The following RFC3 variants were observed in gnomAD, a reference collection of about 807,000 sequenced individuals.
The protein encoded by RFC3 is replication factor C subunit 3.
A neutral mutation model predicts 45.1 loss-of-function variants in RFC3; 41 were observed. That is an observed-to-expected ratio of 0.91 (90% CI 0.71 to 1.18). RFC3 has a LOEUF of 1.18. Among genes scored for constraint, RFC3 ranks in the 50% most tolerant of loss-of-function variants. The pLI is 0.00. For missense variants in RFC3, 423 were observed against 428.1 expected, an observed-to-expected ratio of 0.99 and a Z score of 0.10; for synonymous variants, 149 against 144.0, an observed-to-expected ratio of 1.03 and a Z score of -0.25.
At chr13:33,947,236 G>A (rs1046838158) in intron 8 of RFC3, among the ~76,000 whole-genome samples, 96 of 152,124 alleles carry the variant, frequency 6.3e-4, no homozygotes, top group Admixed American at 4.4e-3. Flanking sequence ...CCCCTATGCT[G>A]TTCTCATGAT....
chr13:33,839,276 C>T (rs1195315445), downstream of RFC3, among the ~76,000 whole-genome samples: 2 of 152,188 alleles, frequency 1.3e-5, no homozygotes, highest in East Asian at 3.8e-4. Context: ...ATGAACTAGG[C>T]CTGCAACTTA....
intron 8 of RFC3, among the ~76,000 whole-genome samples, chr13:33,949,873 A>G (rs992117370): frequency 2.6e-5 from 4 of 152,150 alleles, no homozygotes; most frequent in Admixed American, 2.0e-4. Context: ...ACAGCCTTCA[A>G]ATTGAGACAT....
chr13:33,959,325 ACT>A (rs1282075286), intron 8 of RFC3, among the ~76,000 whole-genome samples: 4 of 151,970 alleles, frequency 2.6e-5, no homozygotes, highest in African/African-American at 7.3e-5. Flanking sequence ...GGCTTCCAAG[ACT>A]CTTTGCAAAT....
intron 8 of RFC3, chr13:33,849,835 C>G (rs2082264787): frequency 6.6e-6 from 1 of 151,974 alleles, no homozygotes; most frequent in Admixed American, 6.6e-5. Context: ...CGAGATTGCA[C>G]CACCACACTC....
At position 33,938,611 on chromosome 13, in the gene RFC3, A is replaced by G. The variant is rs572503981; in HGVS notation, c.880-27476A>G. ...TCTGTTTTTCTCAACATTGTGTCAT[A>G]TATTTGTGATTTCTTCATTCTCATT... On this transcript the variant is annotated intron_variant, in intron 8 of 8. Coordinates refer to the RFC3 transcript ENST00000434425. Among the ~76,000 whole-genome samples, 10 of 152,262 alleles carry G rather than the reference A, an allele frequency of 6.6e-5. No individual in the cohort carries two copies. In the East Asian group the frequency reaches 1.9e-3, roughly 29 times the overall value.
At chr13:33,885,210 G>A (rs1337020850) in intron 8 of RFC3, among the ~76,000 whole-genome samples, 1 of 151,922 alleles carries the variant, frequency 6.6e-6, no homozygotes, top group Non-Finnish European at 1.5e-5. Flanking sequence ...ATTCTATCAT[G>A]GTATCACATT....
intron 8 of RFC3, among the ~76,000 whole-genome samples, chr13:33,889,275 C>T (rs553550121): frequency 4.6e-5 from 7 of 152,260 alleles, no homozygotes; most frequent in South Asian, 2.1e-4. Flanking sequence ...AAATCATAAG[C>T]GTTGAACCAA....
chr13:33,966,009 C>T, intron 8 of RFC3: 2 of 1,056,714 alleles, frequency 1.9e-6, no homozygotes, highest in South Asian at 2.5e-5. Flanking sequence ...ATTACACATC[C>T]TTTGTATCCT....
chr13:33,916,544 A>G (rs950889101), intron 8 of RFC3, among the ~76,000 whole-genome samples: 1 of 152,148 alleles, frequency 6.6e-6, no homozygotes. Flanking sequence ...AAATGTGATG[A>G]TGCAGAATAT....
intron 8 of RFC3, among the ~76,000 whole-genome samples, chr13:33,918,847 G>T (rs2082749700): frequency 1.3e-5 from 2 of 152,044 alleles, no homozygotes; most frequent in African/African-American, 4.8e-5. Context: ...ATTCTCAAAA[G>T]CAAAGCCAAG....
chr13:33,925,499 TATACATACATACATAGTGTACTATATAC>T (rs2082803458), intron 8 of RFC3, among the ~76,000 whole-genome samples: 13 of 141,354 alleles, frequency 9.2e-5, no homozygotes, highest in African/African-American at 3.5e-4. Flanking sequence ...TAGTGTACTA[TATACATACATACATAGTGTACTATATAC>T]ATACATACAT....
intron 8 of RFC3, among the ~76,000 whole-genome samples, chr13:33,879,976 T>A (rs1376937667): frequency 6.6e-6 from 1 of 152,184 alleles, no homozygotes; most frequent in Non-Finnish European, 1.5e-5. Flanking sequence ...TGACACTAAC[T>A]TTTCTTTTCC....
intron 8 of RFC3, among the ~76,000 whole-genome samples, chr13:33,913,786 A>G (rs1183974879): frequency 6.6e-6 from 1 of 152,118 alleles, no homozygotes; most frequent in African/African-American, 2.4e-5. Context: ...AAGAAGGCAA[A>G]TATCCTTGTT....
chr13:33,958,410 T>G (rs2083035355), intron 8 of RFC3, among the ~76,000 whole-genome samples: 1 of 152,204 alleles, frequency 6.6e-6, no homozygotes, highest in Non-Finnish European at 1.5e-5. Flanking sequence ...GTATTTGCAC[T>G]TTGCTCCTGT....
At chr13:33,947,368 GCCT>G (rs924383979) in intron 8 of RFC3, among the ~76,000 whole-genome samples, 1 of 152,012 alleles carries the variant, frequency 6.6e-6, no homozygotes, top group African/African-American at 2.4e-5. Context: ...GTTTCCTGAG[GCCT>G]CCTCAGCCAT....
intron 8 of RFC3, among the ~76,000 whole-genome samples, chr13:33,904,332 T>C (rs1353044215): frequency 2.6e-5 from 4 of 152,204 alleles, no homozygotes; most frequent in Admixed American, 6.5e-5. Flanking sequence ...CCACTCGTTT[T>C]TTGATTGCCA....
rs751272132 is a variant in RFC3 at position 33,818,177 on chromosome 13, C to A, written c.-2C>A. ...CGTAGGCCCCCGGGAACTCGAGCTG[C>A]CATGAGCCTCTGGGTGGACAAGTAT... On this transcript the variant is annotated 5_prime_UTR_variant, in exon 1 of 9. Transcript: ENST00000380071. 3.1e-6 allele frequency: 5 copies of A among 1,612,478 alleles called. No individual in the cohort carries two copies. The Admixed American group carries it at 8.4e-5, about 27-fold the overall frequency.
chr13:33,866,206 A>G (rs2082372605), intron 8 of RFC3, among the ~76,000 whole-genome samples: 1 of 152,156 alleles, frequency 6.6e-6, no homozygotes, highest in South Asian at 2.1e-4. Context: ...CGCTTTCACA[A>G]ATATATTGTT....
downstream of RFC3, chr13:33,837,541 GTAAC>G (rs2082166771): frequency 6.6e-6 from 1 of 152,030 alleles, no homozygotes; most frequent in Admixed American, 6.6e-5. Flanking sequence ...TTTGTCTTGA[GTAAC>G]TACGTAAGAG....
Sources: gnomAD v4.1 joint callset for allele counts (sites outside exome capture counted in the v4.1 genomes callset) on GRCh38, gnomAD v4.1.1 for gene constraint, MANE v1.5 for transcripts, NCBI Gene and HGNC (gene_info 2026-07-23, HGNC 2026-07-21) for gene names.